ADAMTS18: variants seen among roughly 807,000 people sequenced by gnomAD.
ADAMTS18 encodes the protein ADAM metallopeptidase with thrombospondin type 1 motif 18.
Under a neutral mutation model 165.9 loss-of-function variants are expected in ADAMTS18, and 157 were observed. The observed-to-expected ratio is 0.95, with a 90% confidence interval of 0.83 to 1.08. The LOEUF (loss-of-function observed/expected upper bound fraction) is 1.08, where lower values mean the gene tolerates loss of function less well. ADAMTS18 is among the 50% of genes least tolerant of loss of function. ADAMTS18 has a pLI of 0.00. For missense variants in ADAMTS18, 2,040 were observed against 1,534.0 expected, an observed-to-expected ratio of 1.33 and a Z score of -5.51; for synonymous variants, 782 against 578.2, an observed-to-expected ratio of 1.35 and a Z score of -5.06.
intron 4 of ADAMTS18, among the ~76,000 whole-genome samples, chr16:77,365,306 C>A (rs1204183532): frequency 6.6e-6 from 1 of 152,094 alleles, no homozygotes. Flanking sequence ...TAGTGTTAAT[C>A]CTTTGGATCT....
At chr16:77,350,186 C>G (rs941746868) in intron 10 of ADAMTS18, among the ~76,000 whole-genome samples, 1 of 152,264 alleles carries the variant, frequency 6.6e-6, no homozygotes, top group East Asian at 1.9e-4. Context: ...TGAGTCTTTC[C>G]AGATAACAGA....
chr16:77,359,585 C>T (rs1231375601), intron 7 of ADAMTS18, among the ~76,000 whole-genome samples, 162 bp from the exon 8 acceptor site: 2 of 150,060 alleles, frequency 1.3e-5, no homozygotes, highest in African/African-American at 4.9e-5. Context: ...GTTCTTTGTC[C>T]TGTGTAATGA....
chr16:77,362,123 C>A lies in ADAMTS18; in HGVS notation c.1198G>T (p.Glu400Ter). Residue 400 changes from glutamate to a stop codon, truncating the protein, a stop_gained, in exon 7 of 23, where the codon GAA (glutamate) becomes TAA (stop). Transcript: ENST00000282849. LOFTEE classifies it high-confidence loss of function. ...ACCATACCTAGAGTGTCACATGGTTCATTCTTCCAAGAACAAATATCAAAT... is the reference window on the plus strand; with the variant it reads ...ACCATACCTAGAGTGTCACATGGTTAATTCTTCCAAGAACAAATATCAAAT... ...TGFDICSWKN[E>*]PCDTLGFAPI... 1 of 1,614,050 alleles carries A rather than the reference C, an allele frequency of 6.2e-7. No individual in the cohort carries two copies. The highest frequency in any genetic ancestry group is 1.1e-5 in the South Asian group (1 of 91,066).
At chr16:77,327,515 G>C (rs554536052) in intron 12 of ADAMTS18, among the ~76,000 whole-genome samples, 1 of 152,082 alleles carries the variant, frequency 6.6e-6, no homozygotes, top group African/African-American at 2.4e-5. Flanking sequence ...ATCAATCAAC[G>C]AGTAAAGAAA....
intron 9 of ADAMTS18, 136 bp from the exon 10 acceptor site, chr16:77,354,022 A>T: frequency 9.0e-7 from 1 of 1,116,058 alleles, no homozygotes; most frequent in Non-Finnish European, 1.3e-6. Context: ...TTAAAGTTCA[A>T]ATCTATGTTT....
intron 16 of ADAMTS18, among the ~76,000 whole-genome samples, chr16:77,301,513 C>G (rs911512069): frequency 2.0e-5 from 3 of 152,232 alleles, no homozygotes; most frequent in Non-Finnish European, 4.4e-5. Flanking sequence ...CTTTCCCACT[C>G]CATGAATCTT....
chr16:77,375,953 G>C (rs186178638), intron 3 of ADAMTS18, among the ~76,000 whole-genome samples: 1 of 132,116 alleles, frequency 7.6e-6, no homozygotes, highest in East Asian at 2.5e-4. Context: ...GCCCAGTTTG[G>C]ACTGCAATGG....
intron 3 of ADAMTS18, among the ~76,000 whole-genome samples, chr16:77,382,422 G>C (rs951419146): frequency 2.0e-5 from 3 of 152,154 alleles, no homozygotes; most frequent in African/African-American, 7.2e-5. Flanking sequence ...GTGTTAGCCA[G>C]GATGGTCTCG....
Position 77,335,846 on chromosome 16 carries a change from C to A in ADAMTS18, c.1769G>T (p.Gly590Val). The A allele has an allele frequency of 6.2e-7, 1 of 1,614,192 alleles. No homozygotes were observed. The highest frequency in any genetic ancestry group is 1.6e-4 in the Middle Eastern group (1 of 6,062). ...FGELGPRPIH[G>V]QWSAWSKWSE... ...CCACTTCGACCAGGCGGACCACTGG[C>A]CGTGGATGGGCCGGGGCCCGAGCTC... Residue 590 changes from glycine (G) to valine (V), a missense_variant, in exon 12 of 23, where the codon GGC (glycine) becomes GTC (valine). Transcript: ENST00000282849.
chr16:77,380,344 A>G lies in ADAMTS18; in HGVS notation c.496-12621T>C, dbSNP rs554510845. 2.0e-3 allele frequency among the ~76,000 whole-genome samples: 312 copies of G among 152,354 alleles called. 2 individuals are homozygous for G. Among genetic ancestry groups the G allele is most frequent in the African/African-American group, 7.0e-3 (292 of 41,580 alleles). On this transcript the variant is annotated intron_variant, in intron 3 of 22. Coordinates refer to ENST00000282849, the MANE Select transcript of ADAMTS18 (RefSeq NM_199355.4). Reference sequence around the variant, plus strand: ...AGATATTAATAACATATTGATGAAAATTGATTTAGCTAATTATAATCTCTA... The same window carrying G: ...AGATATTAATAACATATTGATGAAAGTTGATTTAGCTAATTATAATCTCTA...
At chr16:77,384,832 T>A (rs200238816) in intron 3 of ADAMTS18, among the ~76,000 whole-genome samples, 6 of 32,858 alleles carry the variant, frequency 1.8e-4, no homozygotes, top group African/African-American at 6.8e-4. Context: ...CAGATTTTTT[T>A]AAAAAATCTC....
At chr16:77,402,680 G>A (rs1355443565) in intron 3 of ADAMTS18, among the ~76,000 whole-genome samples, 1 of 152,156 alleles carries the variant, frequency 6.6e-6, no homozygotes, top group Non-Finnish European at 1.5e-5. Flanking sequence ...AATAATTAAA[G>A]ACTAATGATA....
chr16:77,408,233 G>C (rs913315661), intron 3 of ADAMTS18, among the ~76,000 whole-genome samples: 13 of 152,082 alleles, frequency 8.5e-5, no homozygotes, highest in African/African-American at 3.1e-4. Context: ...GGAACATGTG[G>C]AACTTGTGTG....
intron 11 of ADAMTS18, among the ~76,000 whole-genome samples, chr16:77,336,458 C>T (rs1381273542): frequency 6.6e-6 from 1 of 152,188 alleles, no homozygotes; most frequent in African/African-American, 2.4e-5. Flanking sequence ...TTATTCCAAA[C>T]CCGTCACTAT....
chr16:77,434,362 G>A (rs2057771346), intron 2 of ADAMTS18, 56 bp downstream of exon 2: 5 of 1,528,188 alleles, frequency 3.3e-6, no homozygotes, highest in South Asian at 1.2e-5. Context: ...TTTGGGGGAA[G>A]GAAGGGTCAA....
intron 3 of ADAMTS18, among the ~76,000 whole-genome samples, chr16:77,369,186 G>A (rs4462608): frequency 0.26 from 39,502 of 151,932 alleles, 5,795 homozygotes; most frequent in East Asian, 0.57. Context: ...TTTTATTTCT[G>A]TGGTATCAGT....
At chr16:77,410,334 A>C (rs2057445774) in intron 3 of ADAMTS18, among the ~76,000 whole-genome samples, 1 of 152,170 alleles carries the variant, frequency 6.6e-6, no homozygotes, top group African/African-American at 2.4e-5. Flanking sequence ...AAAATGTTTA[A>C]ATGTATGACT....
Position 77,359,365 on chromosome 16 carries a change from G to A in ADAMTS18, c.1275C>T (p.Asp425=), listed in dbSNP as rs770973994. The A allele has an allele frequency of 6.2e-7, 1 of 1,614,114 alleles. No individual in the cohort carries two copies. The highest frequency in any genetic ancestry group is 1.7e-5 in the Admixed American group (1 of 60,026). ...TGGTGAAGGCAAGGCCAAGTCCTGTGTCCTCATTGATGGTACAACTTCGGT... is the reference window on the plus strand; with the variant it reads ...TGGTGAAGGCAAGGCCAAGTCCTGTATCCTCATTGATGGTACAACTTCGGT... ...SKYRSCTINE[D]TGLGLAFTIA... Residue 425 remains aspartate (D), a synonymous_variant, in exon 8 of 23, where the codon GAC becomes GAT. Coordinates refer to ENST00000282849, the MANE Select transcript of ADAMTS18 (RefSeq NM_199355.4).
chr16:77,293,918 A>C (rs72628223), intron 19 of ADAMTS18, among the ~76,000 whole-genome samples: 16,681 of 151,688 alleles, frequency 0.11, 1,004 homozygotes, highest in East Asian at 0.21. Context: ...GACCACAAAC[A>C]GGTACTTGTT....
Sources: allele counts gnomAD v4.1 joint callset (sites outside exome capture counted in the v4.1 genomes callset), GRCh38; gene constraint gnomAD v4.1.1; transcripts MANE v1.5; gene names NCBI Gene and HGNC (gene_info 2026-07-23, HGNC 2026-07-21).